Variants in ANKRD11 observed in about 807,000 individuals in gnomAD.
ANKRD11 encodes the protein ankyrin repeat domain 11, also known as ankyrin repeat domain-containing protein 11.
In ANKRD11, 17 loss-of-function variants were observed where a neutral mutation model predicts 195.7. The observed-to-expected ratio is 0.09, with a 90% CI of 0.06 to 0.13. The LOEUF (loss-of-function observed/expected upper bound fraction) is 0.13, where lower values mean the gene tolerates loss of function less well. ANKRD11 is among the 10% of genes least tolerant of loss of function. The probability of loss-of-function intolerance (pLI) is 1.00; values close to 1 mark genes in which losing one functional copy is unlikely to be tolerated. For missense variants in ANKRD11, 3,735 were observed against 3,566.1 expected (o/e 1.05, Z -1.21); for synonymous variants, 1,953 against 1,528.1 (o/e 1.28, Z -6.49).
In ANKRD11 at chr16:89,301,946, C is replaced by T. The variant is rs566712962; in HGVS notation, c.226+3260G>A. Among the ~76,000 whole-genome samples, 10 of 152,314 alleles carry T rather than the reference C, an allele frequency of 6.6e-5. No homozygotes were observed. In the South Asian group the frequency reaches 2.1e-3, roughly 32 times the overall value. ...CGTGCCAGCCTCTGCCACTTGGACACAGCCAAGGCATCCGGCACGGTGGTG... is the reference window on the plus strand; with the variant it reads ...CGTGCCAGCCTCTGCCACTTGGACATAGCCAAGGCATCCGGCACGGTGGTG... On this transcript the variant is annotated intron_variant, in intron 4 of 12. Coordinates refer to ENST00000301030, the MANE Select transcript of ANKRD11 (RefSeq NM_013275.6).
chr16:89,294,822 CCT>C (rs2035310336), intron 4 of ANKRD11, among the ~76,000 whole-genome samples: 1 of 152,324 alleles, frequency 6.6e-6, no homozygotes, highest in African/African-American at 2.4e-5. Flanking sequence ...GCCGTGTGCC[CCT>C]GAGAAACGCT....
intron 6 of ANKRD11, 100 bp downstream of exon 6, chr16:89,290,518 ATGGGGGG>A: frequency 1.0e-6 from 1 of 968,688 alleles, no homozygotes; most frequent in Non-Finnish European, 1.5e-6. Context: ...CAGGGCTCCA[ATGGGGGG>A]AGGCTCAGGG....
intron 1 of ANKRD11, among the ~76,000 whole-genome samples, chr16:89,452,573 T>C (rs555355253): frequency 3.6e-4 from 55 of 151,966 alleles, no homozygotes; most frequent in Middle Eastern, 6.8e-3. Flanking sequence ...GGTCAAGAGA[T>C]TGAGACCAGC....
chr16:89,269,717 C>T (rs746059355), intron 12 of ANKRD11, among the ~76,000 whole-genome samples: 6 of 151,972 alleles, frequency 3.9e-5, no homozygotes, highest in Non-Finnish European at 7.4e-5. Context: ...GATTCTCATG[C>T]CTCAGTCTCC....
chr16:89,353,541 A>G (rs146009199), intron 2 of ANKRD11, among the ~76,000 whole-genome samples: 2,165 of 151,342 alleles, frequency 0.014, 40 homozygotes, highest in African/African-American at 0.049. Context: ...ACAGTGGTGC[A>G]ATCTCGGCTC....
rs1034511719 is a variant in ANKRD11 at position 89,275,275 on chromosome 16, G to A, written c.7471-84C>T. 3.5e-5 allele frequency: 42 copies of A among 1,216,082 alleles called. No homozygotes were observed. In the Admixed American group the frequency reaches 5.1e-4, roughly 15 times the overall value. The allele number at this position is 1,216,082 out of a possible 1,614,324, so 75.3% of individuals were successfully genotyped here. ...ATAGTCTGGAGTTCACGGGGGTCCCGACTCAGCCTCCCCACTCCTAGGAGC... is the reference window on the plus strand; with the variant it reads ...ATAGTCTGGAGTTCACGGGGGTCCCAACTCAGCCTCCCCACTCCTAGGAGC... On this transcript the variant is annotated intron_variant, in intron 9 of 12. Transcript: ENST00000301030.
At position 89,284,297 on chromosome 16, in the gene ANKRD11, T is replaced by G; in HGVS notation, c.2245A>C (p.Lys749Gln). The G allele has an allele frequency of 6.2e-7, 1 of 1,613,962 alleles. No individual in the cohort carries two copies. Among genetic ancestry groups the G allele is most frequent in the Non-Finnish European group, 8.5e-7 (1 of 1,180,012 alleles). Reference sequence around the variant, plus strand: ...TTTTCTTCTTTCGGAGACTTTTCCTTCAGCGATCTCTCCTTTTCTGCTTTA... The same window carrying G: ...TTTTCTTCTTTCGGAGACTTTTCCTGCAGCGATCTCTCCTTTTCTGCTTTA... ...SNKAEKERSLKEKSPKEEKLR... is the reference protein window; with the variant it reads ...SNKAEKERSLQEKSPKEEKLR... Residue 749 changes from lysine to glutamine, a missense_variant, in exon 9 of 13, where the codon AAG (lysine) becomes CAG (glutamine). Lys to Gln is a moderately conservative substitution (Grantham distance 53). Coordinates refer to ENST00000301030, the MANE Select transcript of ANKRD11 (RefSeq NM_013275.6).
Position 89,280,014 on chromosome 16 carries a change from A to T in ANKRD11, c.6528T>A (p.Gly2176=). The change falls in exon 9 of 13, where the codon GGT becomes GGA. Residue 2176 remains glycine, a synonymous_variant. Transcript: ENST00000301030. ...CAGCCACTACGGTGGAAACATCCCC[A>T]CCGTTTATGACCCCGGGGGCCCCTG... ...MPPGAPGVIN[G]GDVSTVVAEE... 13 of 1,612,546 alleles carry T rather than the reference A, an allele frequency of 8.1e-6. No individual in the cohort carries two copies. The highest frequency in any genetic ancestry group is 1.1e-5 in the Non-Finnish European group (13 of 1,179,912).
At chr16:89,391,427 G>C (rs1279639369) in intron 2 of ANKRD11, among the ~76,000 whole-genome samples, 1 of 152,114 alleles carries the variant, frequency 6.6e-6, no homozygotes, top group Non-Finnish European at 1.5e-5. Flanking sequence ...GGCTGCACGG[G>C]ATTGTGGGAC....
At chr16:89,377,867 G>A (rs1232762329) in intron 2 of ANKRD11, among the ~76,000 whole-genome samples, 2 of 145,452 alleles carry the variant, frequency 1.4e-5, no homozygotes, top group East Asian at 4.0e-4. Context: ...TTCCACCCCC[G>A]CCCCATGAGA....
At chr16:89,445,957 G>A (rs944800724) in intron 1 of ANKRD11, among the ~76,000 whole-genome samples, 10 of 136,046 alleles carry the variant, frequency 7.4e-5, no homozygotes, top group African/African-American at 1.4e-4. Context: ...CAACAAGAGC[G>A]AAACTCCGTC....
intron 3 of ANKRD11, among the ~76,000 whole-genome samples, chr16:89,305,655 A>G (rs2036150934): frequency 6.6e-6 from 1 of 151,058 alleles, no homozygotes; most frequent in Admixed American, 6.6e-5. Flanking sequence ...CTCACTCCGC[A>G]GACACGCGCT....
intron 2 of ANKRD11, among the ~76,000 whole-genome samples, chr16:89,350,982 A>G (rs543265944): frequency 1.3e-5 from 2 of 152,312 alleles, no homozygotes; most frequent in African/African-American, 4.8e-5. Context: ...TGCCTTCTGG[A>G]TCTGGGTACG....
intron 2 of ANKRD11, among the ~76,000 whole-genome samples, chr16:89,351,467 A>C (rs1446350137): frequency 6.6e-6 from 1 of 152,176 alleles, no homozygotes; most frequent in Non-Finnish European, 1.5e-5. Flanking sequence ...CACTACACCA[A>C]ATAACTGATT....
intron 1 of ANKRD11, among the ~76,000 whole-genome samples, chr16:89,425,720 G>C (rs200559237): frequency 1.3e-5 from 2 of 152,138 alleles, no homozygotes; most frequent in East Asian, 3.8e-4. Context: ...TTTTTTAAGG[G>C]TGGGGTGCTA....
chr16:89,291,019 T>G lies in ANKRD11; in HGVS notation c.391A>C (p.Ser131Arg). Residue 131 changes from serine (S) to arginine (R), a missense_variant, in exon 5 of 13, where the codon AGC becomes CGC. Physicochemically the swap from Ser to Arg is moderately radical, Grantham distance 110. Coordinates refer to ENST00000301030, the MANE Select transcript of ANKRD11 (RefSeq NM_013275.6). This position sits in a 1 kb window ranked among gnomAD's most constrained non-coding sequence, Gnocchi z 5.3. ...ACCCACAGGCCGGGCTCACCTGGGC[T>G]GTTGGCAGACTCCTCGGCCGTCATC... ...MQMTAEESANSPVDTTPKHPS... is the reference protein window; with the variant it reads ...MQMTAEESANRPVDTTPKHPS... The G allele has an allele frequency of 6.2e-7, 1 of 1,611,696 alleles. No homozygotes were observed. The highest frequency in any genetic ancestry group is 1.1e-5 in the South Asian group (1 of 91,046).
In ANKRD11 at chr16:89,382,986, G is replaced by A. The variant is rs764286705; in HGVS notation, c.-60+35298C>T. On this transcript the variant is annotated intron_variant, in intron 2 of 12. Transcript: ENST00000301030. ...CTCCCGAGGAGCTGGGATTACAGGCGTGAGCCACCGTGCCAGGCTTGTAAA... is the reference window on the plus strand; with the variant it reads ...CTCCCGAGGAGCTGGGATTACAGGCATGAGCCACCGTGCCAGGCTTGTAAA... 7.9e-5 allele frequency among the ~76,000 whole-genome samples: 12 copies of A among 152,310 alleles called. 1 individual carries two copies. The South Asian group carries it at 1.7e-3, about 21-fold the overall frequency.
chr16:89,346,283 C>T (rs1318069858), intron 2 of ANKRD11, among the ~76,000 whole-genome samples: 2 of 145,126 alleles, frequency 1.4e-5, no homozygotes, highest in South Asian at 2.1e-4. Flanking sequence ...ATCAACACAA[C>T]AGAGAAAATG....
At chr16:89,326,923 A>G (rs1357108723) in intron 2 of ANKRD11, among the ~76,000 whole-genome samples, 1 of 152,224 alleles carries the variant, frequency 6.6e-6, no homozygotes, top group African/African-American at 2.4e-5. Context: ...GAGGTTCCAC[A>G]GACACACGAC....
Sources: gnomAD v4.1 joint callset for allele counts (sites outside exome capture counted in the v4.1 genomes callset) on GRCh38, gnomAD v4.1.1 for gene constraint, Gnocchi (gnomAD v3.1) non-coding constraint, MANE v1.5 for transcripts, NCBI Gene and HGNC (gene_info 2026-07-23, HGNC 2026-07-21) for gene names.